PCDH7: variants seen among roughly 807,000 people sequenced by gnomAD.
PCDH7 encodes protocadherin 7.
In PCDH7, 17 loss-of-function variants were observed where a neutral mutation model predicts 58.9. That is an observed-to-expected ratio of 0.29 (90% CI 0.20 to 0.43). The LOEUF (loss-of-function observed/expected upper bound fraction) is 0.43, where lower values mean the gene tolerates loss of function less well. PCDH7 is among the 20% of genes least tolerant of loss of function. PCDH7 has a pLI of 1.00. For missense variants in PCDH7, 1,274 were observed against 1,441.0 expected, an observed-to-expected ratio of 0.88 and a Z score of 1.88; for synonymous variants, 664 against 616.4, an observed-to-expected ratio of 1.08 and a Z score of -1.14.
At chr4:30,834,160 T>C (rs1325466304) in intron 1 of PCDH7, among the ~76,000 whole-genome samples, 1 of 152,162 alleles carries the variant, frequency 6.6e-6, no homozygotes, top group African/African-American at 2.4e-5. Flanking sequence ...AGTAATCATT[T>C]ACTTATCACC....
intron 3 of PCDH7, among the ~76,000 whole-genome samples, chr4:31,087,130 C>A (rs1243242173): frequency 3.3e-5 from 5 of 152,096 alleles, no homozygotes; most frequent in Non-Finnish European, 7.4e-5. Context: ...AATTACATGG[C>A]ATGGTTCACG....
intron 1 of PCDH7, among the ~76,000 whole-genome samples, chr4:30,803,696 C>T (rs1464587694): frequency 6.6e-6 from 1 of 152,188 alleles, no homozygotes; most frequent in African/African-American, 2.4e-5. Context: ...GCCTTGGTGT[C>T]CCAAAGTGCT....
intron 1 of PCDH7, among the ~76,000 whole-genome samples, chr4:30,850,264 T>A (rs1206719460): frequency 6.6e-6 from 1 of 152,164 alleles, no homozygotes; most frequent in Non-Finnish European, 1.5e-5. Flanking sequence ...TCAGTCTTCA[T>A]GGAATAAAGG....
At chr4:31,087,005 T>C (rs960956816) in intron 3 of PCDH7, among the ~76,000 whole-genome samples, 6 of 152,158 alleles carry the variant, frequency 3.9e-5, no homozygotes, top group Admixed American at 1.3e-4. Flanking sequence ...GACAGAAGCC[T>C]TTCTGGAAAC....
intron 1 of PCDH7, among the ~76,000 whole-genome samples, chr4:30,820,677 G>T (rs893242740): frequency 6.6e-6 from 1 of 151,922 alleles, no homozygotes; most frequent in African/African-American, 2.4e-5. Flanking sequence ...ATATATAAAT[G>T]ATGATCAGAC....
chr4:31,000,123 G>A (rs1231642660), intron 3 of PCDH7, among the ~76,000 whole-genome samples: 1 of 151,992 alleles, frequency 6.6e-6, no homozygotes, highest in Non-Finnish European at 1.5e-5. Context: ...ATGTGCTGTA[G>A]GACTTGCTGC....
intron 1 of PCDH7, among the ~76,000 whole-genome samples, chr4:30,841,445 G>T (rs1015831980): frequency 1.3e-5 from 2 of 152,032 alleles, no homozygotes; most frequent in Non-Finnish European, 2.9e-5. Context: ...CAGTTAAAAA[G>T]AACATTATGT....
rs2109224020 is a variant in PCDH7 at position 30,721,800 on chromosome 4, G to C, written c.378G>C (p.Leu126=). ...GGCCCTCGCAGAGCTGGGTGGACCT[G>C]TTTGAGGGTCAGGTCATCGTGCTTG... is the stretch of plus-strand genomic sequence containing the variant. The change falls in exon 1 of 2, where the codon CTG becomes CTC. Residue 126 remains leucine (L), a synonymous_variant. Transcript: ENST00000361762. This position sits in a 1 kb window ranked among gnomAD's most constrained non-coding sequence, Gnocchi z 6.7. The C allele has an allele frequency of 1.2e-6, 2 of 1,613,048 alleles. No individual in the cohort carries two copies. The highest frequency in any genetic ancestry group is 4.5e-5 in the East Asian group (2 of 44,800).
At chr4:30,932,004 T>A (rs1744660947) in intron 2 of PCDH7, among the ~76,000 whole-genome samples, 1 of 152,156 alleles carries the variant, frequency 6.6e-6, no homozygotes, top group Admixed American at 6.6e-5. Context: ...TTTTACTTAC[T>A]TAAAATTAAA....
chr4:31,126,126 C>CTTTT (rs555596051), intron 3 of PCDH7, among the ~76,000 whole-genome samples: 6 of 128,344 alleles, frequency 4.7e-5, no homozygotes, highest in East Asian at 2.3e-4. Context: ...CATATCCTTT[C>CTTTT]TTTTTTTTTT....
rs1577729010 is a variant in PCDH7 at position 30,771,700 on chromosome 4, A to G, written c.70+47104A>G. ...TTTAACAAATCTGAAATTTTCTTTA[A>G]TGATTGCAGACACCGGGAATCATAA... On this transcript the variant is annotated intron_variant, in intron 1 of 3. Transcript: ENST00000509759. Among the ~76,000 whole-genome samples the G allele has an allele frequency of 3.9e-5, 6 of 152,190 alleles. No homozygotes were observed. The South Asian group carries it at 1.2e-3, about 32-fold the overall frequency.
rs1473515641 is a variant in PCDH7 at position 30,917,662 on chromosome 4, A to T, written c.71-2491A>T. On this transcript the variant is annotated intron_variant, in intron 1 of 3. Transcript: ENST00000509759. ...GCCATTTTTACTTCTAAAATAATTT[A>T]TAGAGATTAAAATATGCACAGTCAA... Among the ~76,000 whole-genome samples the T allele has an allele frequency of 4.6e-5, 7 of 152,056 alleles. No individual in the cohort carries two copies. The South Asian group carries it at 1.4e-3, about 31-fold the overall frequency.
At chr4:31,070,591 A>G (rs1229660018) in intron 3 of PCDH7, among the ~76,000 whole-genome samples, 1 of 152,216 alleles carries the variant, frequency 6.6e-6, no homozygotes, top group East Asian at 1.9e-4. Flanking sequence ...CTCTAAATAT[A>G]TAAGTTGTGT....
intron 1 of PCDH7, among the ~76,000 whole-genome samples, chr4:30,807,789 C>T (rs763236833): frequency 6.6e-6 from 1 of 151,834 alleles, no homozygotes; most frequent in African/African-American, 2.4e-5. Context: ...TATAGGCACA[C>T]TTTCAAAATT....
intron 3 of PCDH7, among the ~76,000 whole-genome samples, chr4:31,093,421 T>A (rs961092659): frequency 1.3e-5 from 2 of 152,124 alleles, no homozygotes; most frequent in African/African-American, 4.8e-5. Context: ...ACTTACAGCC[T>A]TCTTTCTACT....
intron 1 of PCDH7, among the ~76,000 whole-genome samples, chr4:30,760,952 A>G (rs1719947428): frequency 6.6e-6 from 1 of 152,112 alleles, no homozygotes; most frequent in Non-Finnish European, 1.5e-5. Context: ...AAAGACCCAC[A>G]AGCTTCCATT....
chr4:31,016,217 A>T (rs1753588614), intron 3 of PCDH7, among the ~76,000 whole-genome samples: 1 of 152,140 alleles, frequency 6.6e-6, no homozygotes, highest in Admixed American at 6.6e-5. Flanking sequence ...TTAGATTATG[A>T]GGACCATATG....
downstream of PCDH7, among the ~76,000 whole-genome samples, chr4:30,736,492 C>T (rs920015179): frequency 2.7e-5 from 4 of 150,240 alleles, no homozygotes; most frequent in African/African-American, 7.4e-5. Context: ...GCACAAATGT[C>T]ATTTTAGTTT....
chr4:31,005,820 G>T (rs985282552), intron 3 of PCDH7, among the ~76,000 whole-genome samples: 7 of 152,120 alleles, frequency 4.6e-5, no homozygotes, highest in South Asian at 4.1e-4. Context: ...TAAAAATTCA[G>T]TTCCGTTTTA....
Sources: allele counts gnomAD v4.1 joint callset (sites outside exome capture counted in the v4.1 genomes callset), GRCh38; gene constraint gnomAD v4.1.1; non-coding constraint Gnocchi (gnomAD v3.1); transcripts MANE v1.5; gene names NCBI Gene and HGNC (gene_info 2026-07-23, HGNC 2026-07-21).